DMBT1: variants seen among roughly 807,000 people sequenced by gnomAD.
DMBT1 encodes the protein deleted in malignant brain tumors 1, also known as scavenger receptor cysteine-rich domain-containing protein DMBT1.
Under a neutral mutation model 252.9 loss-of-function variants are expected in DMBT1, and 198 were observed. That is an observed-to-expected ratio of 0.78 (90% CI 0.70 to 0.88). DMBT1 has a LOEUF of 0.88. DMBT1 is among the 40% of genes least tolerant of loss of function. The probability of loss-of-function intolerance (pLI) is 0.00; values close to 1 mark genes in which losing one functional copy is unlikely to be tolerated. For synonymous variants in DMBT1, 990 were observed against 942.7 expected (o/e 1.05, Z -0.92); for missense variants, 2,432 against 2,404.7 (o/e 1.01, Z -0.24).
chr10:122,567,446 T>A (rs750091778), intron 2 of DMBT1, among the ~76,000 whole-genome samples: 4 of 152,158 alleles, frequency 2.6e-5, no homozygotes, highest in African/African-American at 9.7e-5. Flanking sequence ...AAGTCCAGAA[T>A]GTACTTTGGG....
rs200827766 is a variant in DMBT1, at chr10:122,630,489, C to T, written c.6024C>T (p.Ser2008=). ...TGGCTTGGTATAACTCCTTCCCAAGCGGTAAGTGCACACTAGACCATGCCT... is the reference window on the plus strand; with the variant it reads ...TGGCTTGGTATAACTCCTTCCCAAGTGGTAAGTGCACACTAGACCATGCCT... ...GFLAWYNSFP[S]DATLRLVNLN... Residue 2008 remains serine (S), a splice_region_variant and synonymous_variant, in exon 48 of 56, where the codon AGC becomes AGT. Coordinates refer to ENST00000338354, the MANE Select transcript of DMBT1 (RefSeq NM_001377530.1). The T allele has an allele frequency of 2.2e-5, 36 of 1,613,874 alleles. No individual in the cohort carries two copies. Among genetic ancestry groups the T allele is most frequent in the Admixed American group, 6.7e-5 (4 of 60,032 alleles).
At chr10:122,617,334 A>T in intron 40 of DMBT1, 74 bp downstream of exon 40, 1 of 1,535,944 alleles carries the variant, frequency 6.5e-7, no homozygotes, top group Non-Finnish European at 9.0e-7. Context: ...TGATAGGATG[A>T]GGCTCAAGGT....
intron 55 of DMBT1, among the ~76,000 whole-genome samples, chr10:122,640,919 G>C (rs1403603957): frequency 6.6e-6 from 1 of 152,190 alleles, no homozygotes; most frequent in Non-Finnish European, 1.5e-5. Flanking sequence ...GCACCTCTAT[G>C]GACCAGTTGC....
At chr10:122,570,008 G>A (rs542965209) in intron 2 of DMBT1, among the ~76,000 whole-genome samples, 154 bp from the exon 3 acceptor site, 1 of 152,312 alleles carries the variant, frequency 6.6e-6, no homozygotes, top group South Asian at 2.1e-4. Context: ...GGCCATTTCA[G>A]TGATGGAGCG....
At chr10:122,585,673 G>A (rs1439313566) in intron 15 of DMBT1, among the ~76,000 whole-genome samples, 1 of 148,588 alleles carries the variant, frequency 6.7e-6, no homozygotes, top group African/African-American at 2.4e-5. Context: ...ACACCTGTCT[G>A]GCCAAGGCCT....
In DMBT1 at chr10:122,597,828, C is replaced by T. The variant is rs569316148; in HGVS notation, c.2918-146C>T. 6.1e-5 allele frequency: 73 copies of T among 1,204,348 alleles called. No individual in the cohort carries two copies. In the African/African-American group the frequency reaches 8.1e-4, roughly 13 times the overall value. The allele number at this position is 1,204,348 out of a possible 1,614,324, so 74.6% of individuals were successfully genotyped here. On this transcript the variant is annotated intron_variant, in intron 24 of 55. Transcript: ENST00000338354. Reference sequence around the variant, plus strand: ...GACCCTTGCTGAGCTTGCTGAGCTGCAGACTTGGGCAGACACATGGGGAGC... The same window carrying T: ...GACCCTTGCTGAGCTTGCTGAGCTGTAGACTTGGGCAGACACATGGGGAGC...
intron 21 of DMBT1, 128 bp from the exon 22 acceptor site, chr10:122,594,368 G>C (rs75974452): frequency 0.076 from 27,983 of 369,638 alleles, 4,028 homozygotes; most frequent in East Asian, 0.21. Context: ...GAAGACACAT[G>C]GGAAACAAAT....
rs1368357905 is a variant in DMBT1 at position 122,631,264 on chromosome 10, C to T, written c.6329C>T (p.Ala2110Val). The stretch of plus-strand genomic sequence containing the variant: ...CACAACTGTAATCATCGTGAAGATG[C>T]TGGTGTCATCTGCTCAGGTATGGCC... ...FSHNCNHRED[A>V]GVICSGNHLS... Residue 2110 changes from alanine to valine, a missense_variant, in exon 49 of 56, where the codon GCT (alanine) becomes GTT (valine). Around this residue, in one of 3 missense-constraint regions of DMBT1, gnomAD observed 1,162 missense variants for 1,169.0 expected, o/e 0.99. Coordinates refer to ENST00000338354, the MANE Select transcript of DMBT1 (RefSeq NM_001377530.1). The T allele has an allele frequency of 4.3e-6, 7 of 1,613,810 alleles. No individual in the cohort carries two copies. Among genetic ancestry groups the T allele is most frequent in the Non-Finnish European group, 5.9e-6 (7 of 1,179,854 alleles).
At chr10:122,627,236 C>A (rs2098125272) in intron 46 of DMBT1, among the ~76,000 whole-genome samples, 1 of 152,062 alleles carries the variant, frequency 6.6e-6, no homozygotes, top group Admixed American at 6.6e-5. Flanking sequence ...GTCTGCCTTT[C>A]AAGAACTGTT....
intron 16 of DMBT1, among the ~76,000 whole-genome samples, chr10:122,586,982 G>A (rs2097795532): frequency 6.8e-6 from 1 of 147,478 alleles, no homozygotes; most frequent in Admixed American, 6.7e-5. Flanking sequence ...GCTCTTTCTA[G>A]GAACTAAGAG....
chr10:122,599,440 G>C (rs146575732), intron 26 of DMBT1, among the ~76,000 whole-genome samples: 1 of 152,188 alleles, frequency 6.6e-6, no homozygotes, highest in South Asian at 2.1e-4. Context: ...ACAGCAAGGC[G>C]GGGTAGGGAT....
chr10:122,600,983 A>G lies in DMBT1; in HGVS notation c.3311-8A>G. The stretch of plus-strand genomic sequence containing the variant: ...TAATTCTGTCTTTTCCTTTGTTGCA[A>G]TTTACAGACACTTGGCCAACCTCAC... On this transcript the variant is annotated splice_polypyrimidine_tract_variant and splice_region_variant and intron_variant, in intron 27 of 55. Transcript: ENST00000338354. 2 of 877,252 alleles carry G rather than the reference A, an allele frequency of 2.3e-6. No individual in the cohort carries two copies. The highest frequency in any genetic ancestry group is 2.5e-5 in the East Asian group (1 of 40,468). 54.3% of individuals were successfully genotyped at this position (877,252 alleles called of 1,614,324 possible). A position where few individuals can be genotyped will look rare whatever the true frequency, so the allele number is the denominator to read the frequency against.
intron 24 of DMBT1, 150 bp downstream of exon 24, chr10:122,597,204 G>T: frequency 1.9e-6 from 1 of 529,346 alleles, no homozygotes; most frequent in Non-Finnish European, 3.4e-6. Flanking sequence ...CTGGAATGGC[G>T]CTTCTGAACC....
At chr10:122,593,124 T>C (rs1173772031) in intron 20 of DMBT1, among the ~76,000 whole-genome samples, 1 of 148,876 alleles carries the variant, frequency 6.7e-6, no homozygotes, top group Non-Finnish European at 1.5e-5. Flanking sequence ...TGACCTCAGG[T>C]CCTCTCAGAA....
chr10:122,570,826 C>A (rs2097654968), intron 3 of DMBT1, 64 bp from the exon 4 acceptor site: 1 of 1,576,194 alleles, frequency 6.3e-7, no homozygotes, highest in African/African-American at 1.3e-5. Context: ...CTGACGAAGC[C>A]ATGGACCAAC....
At chr10:122,588,355 A>G (rs576508233) in intron 16 of DMBT1, among the ~76,000 whole-genome samples, 1 of 147,094 alleles carries the variant, frequency 6.8e-6, no homozygotes. Context: ...GGGGCTGGTG[A>G]CCTGTCTCCC....
rs7383 is a variant in DMBT1, at chr10:122,643,591, T to C, written c.*193T>C. The C allele has an allele frequency of 0.47, 359,893 of 765,614 alleles. 92,355 individuals carry two copies. The highest frequency in any genetic ancestry group is 0.82 in the African/African-American group (46,571 of 56,728). 47.4% of individuals were successfully genotyped at this position (765,614 alleles called of 1,614,324 possible). A position where few individuals can be genotyped will look rare whatever the true frequency, so the allele number is the denominator to read the frequency against. On this transcript the variant is annotated 3_prime_UTR_variant, in exon 56 of 56. Transcript: ENST00000338354. The stretch of plus-strand genomic sequence containing the variant: ...GGTCCTTGGAGGACCCGTTGCAGGG[T>C]GAGGTCAAGAGAGTTCTGACCTGGA...
At chr10:122,574,204 G>T (rs928382540) in intron 6 of DMBT1, among the ~76,000 whole-genome samples, 2 of 152,178 alleles carry the variant, frequency 1.3e-5, no homozygotes, top group Non-Finnish European at 2.9e-5. Flanking sequence ...TGCCACCCTT[G>T]TTTCTTCTTA....
chr10:122,580,941 C>G (rs1357278386), intron 11 of DMBT1, 46 bp downstream of exon 11: 2 of 1,607,174 alleles, frequency 1.2e-6, no homozygotes, highest in East Asian at 2.2e-5. Flanking sequence ...CTCTTTCTGC[C>G]CAATCACCCC....
Sources: allele counts gnomAD v4.1 joint callset (sites outside exome capture counted in the v4.1 genomes callset), GRCh38; gene constraint gnomAD v4.1.1; regional missense constraint gnomAD v4.1.1; transcripts MANE v1.5; gene names NCBI Gene and HGNC (gene_info 2026-07-23, HGNC 2026-07-21).